The following WNT3A variants were observed in gnomAD, a reference collection of about 807,000 sequenced individuals.
WNT3A encodes the protein Wnt family member 3A, also known as protein Wnt-3a.
Under a neutral mutation model 37.0 loss-of-function variants are expected in WNT3A, and 17 were observed. The observed-to-expected ratio is 0.46, with a 90% CI of 0.31 to 0.69. WNT3A has a LOEUF of 0.69. Among genes scored for constraint, WNT3A ranks in the 30% least tolerant of loss-of-function variants. The probability of loss-of-function intolerance (pLI) is 0.05; values close to 1 mark genes in which losing one functional copy is unlikely to be tolerated. For synonymous variants in WNT3A, 187 were observed against 211.0 expected, an observed-to-expected ratio of 0.89 and a Z score of 0.99; for missense variants, 411 against 510.2, an observed-to-expected ratio of 0.81 and a Z score of 1.87.
At chr1:228,015,966 T>C (rs955550833) in intron 1 of WNT3A, among the ~76,000 whole-genome samples, 3 of 152,076 alleles carry the variant, frequency 2.0e-5, no homozygotes, top group Non-Finnish European at 4.4e-5. Flanking sequence ...CCTGAGGCCA[T>C]GAGCAGGCAG....
Position 228,059,734 on chromosome 1 carries a change from G to T in WNT3A, c.*269G>T. 7.7e-7 allele frequency: 1 copy of T among 1,302,670 alleles called. No individual in the cohort carries two copies. The highest frequency in any genetic ancestry group is 9.7e-7 in the Non-Finnish European group (1 of 1,029,298). 80.7% of individuals were successfully genotyped at this position (1,302,670 alleles called of 1,614,324 possible). On this transcript the variant is annotated 3_prime_UTR_variant, in exon 4 of 4. Transcript: ENST00000284523. ...AGGGGCTCTGCGTTGGCTTCTCCCT[G>T]GGGACGGGGCTCCCCTGGACAGAGG... is the stretch of plus-strand genomic sequence containing the variant.
chr1:228,029,364 A>G (rs2030941279), intron 2 of WNT3A, among the ~76,000 whole-genome samples: 1 of 152,136 alleles, frequency 6.6e-6, no homozygotes, highest in South Asian at 2.1e-4. Flanking sequence ...GCATAGTACC[A>G]TCCACCCCAG....
At chr1:228,052,819 G>T (rs6675092) in intron 3 of WNT3A, among the ~76,000 whole-genome samples, 1,905 of 152,316 alleles carry the variant, frequency 0.013, 54 homozygotes, top group East Asian at 0.11. Flanking sequence ...CATGATAGAT[G>T]AGGCAGTGCA....
At chr1:228,046,609 G>A (rs2031413799) in intron 2 of WNT3A, among the ~76,000 whole-genome samples, 1 of 151,206 alleles carries the variant, frequency 6.6e-6, no homozygotes, top group Non-Finnish European at 1.5e-5. Flanking sequence ...GTGCATGCAT[G>A]TGTGTGCATG....
intron 2 of WNT3A, among the ~76,000 whole-genome samples, chr1:228,025,854 C>T (rs1343045818): frequency 6.6e-6 from 1 of 152,066 alleles, no homozygotes; most frequent in African/African-American, 2.4e-5. Flanking sequence ...CACTGTACTT[C>T]CATCTCCCAG....
chr1:228,007,421 G>C lies in WNT3A; in HGVS notation c.71+222G>C, dbSNP rs186692850. The stretch of plus-strand genomic sequence containing the variant: ...TTTCCGGAGACATTGATTCCCGAGC[G>C]GGGGAGTAGGGGAGGTTGCGGAGGT... On this transcript the variant is annotated intron_variant, in intron 1 of 3. Transcript: ENST00000284523. This position sits in a 1 kb window ranked among gnomAD's most constrained non-coding sequence, Gnocchi z 6.0. Among the ~76,000 whole-genome samples the C allele has an allele frequency of 2.2e-3, 334 of 152,220 alleles. 3 individuals are homozygous for C. Among genetic ancestry groups the C allele is most frequent in the African/African-American group, 7.7e-3 (319 of 41,548 alleles).
At chr1:228,054,922 G>A (rs974680670) in intron 3 of WNT3A, among the ~76,000 whole-genome samples, 45 of 150,842 alleles carry the variant, frequency 3.0e-4, no homozygotes, top group African/African-American at 5.8e-4. Context: ...TTGGGAGGCC[G>A]AGGCGAGTTC....
Position 228,007,073 on chromosome 1 carries a change from C to A in WNT3A, c.-56C>A, listed in dbSNP as rs1174966020. The A allele has an allele frequency of 4.3e-5, 60 of 1,405,872 alleles. No individual in the cohort carries two copies. The highest frequency in any genetic ancestry group is 5.7e-5 in the Non-Finnish European group (60 of 1,057,768). The allele number at this position is 1,405,872 out of a possible 1,614,324, so 87.1% of individuals were successfully genotyped here. On this transcript the variant is annotated 5_prime_UTR_variant, in exon 1 of 4. Coordinates refer to ENST00000284523, the MANE Select transcript of WNT3A (RefSeq NM_033131.4). This position sits in a 1 kb window ranked among gnomAD's most constrained non-coding sequence, Gnocchi z 6.0. Reference sequence around the variant, plus strand: ...GCCAGCTCCCAGGGCCCGGCCCCCCCCGGCGCTCACGCTCTCGGGGCGGAC... The same window carrying A: ...GCCAGCTCCCAGGGCCCGGCCCCCCACGGCGCTCACGCTCTCGGGGCGGAC...
At chr1:228,044,827 G>A (rs1443717768) in intron 2 of WNT3A, among the ~76,000 whole-genome samples, 2 of 152,220 alleles carry the variant, frequency 1.3e-5, no homozygotes, top group African/African-American at 4.8e-5. Flanking sequence ...AGGGTCTCAC[G>A]CTTTTCTGGC....
chr1:228,036,889 T>A (rs1212398471), intron 2 of WNT3A, among the ~76,000 whole-genome samples: 1 of 152,190 alleles, frequency 6.6e-6, no homozygotes, highest in East Asian at 1.9e-4. Flanking sequence ...TGGCCTGCTC[T>A]AGGCCAGGTG....
chr1:228,023,043 A>G, intron 2 of WNT3A, 135 bp downstream of exon 2: 1 of 1,382,582 alleles, frequency 7.2e-7, no homozygotes. Context: ...CTTCCCGCTT[A>G]CCTCCAGGAG....
intron 3 of WNT3A, among the ~76,000 whole-genome samples, chr1:228,057,915 A>G (rs1433109336): frequency 6.6e-6 from 1 of 152,152 alleles, no homozygotes; most frequent in Non-Finnish European, 1.5e-5. Context: ...ATCTCCGCTC[A>G]CTGCTGCCTC....
chr1:228,060,111 TGGGACCA>T lies in WNT3A; in HGVS notation c.*649_*655del. 1 of 1,297,294 alleles carries T rather than the reference TGGGACCA, an allele frequency of 7.7e-7. No homozygotes were observed. Among genetic ancestry groups the T allele is most frequent in the Admixed American group, 2.2e-5 (1 of 46,268 alleles). The allele number at this position is 1,297,294 out of a possible 1,614,324, so 80.4% of individuals were successfully genotyped here. On this transcript the variant is annotated 3_prime_UTR_variant, in exon 4 of 4. Transcript: ENST00000284523. The stretch of plus-strand genomic sequence containing the variant: ...CTCCTTCCTGTGGGTGGGGCTTCTC[TGGGACCA>T]GGCTCCAATGGGGCGGGGCTTCTCT...
At chr1:228,023,241 G>A (rs988119480) in intron 2 of WNT3A, among the ~76,000 whole-genome samples, 2 of 152,204 alleles carry the variant, frequency 1.3e-5, no homozygotes, top group African/African-American at 4.8e-5. Flanking sequence ...AGACCTACAA[G>A]AAGGGAGAGG....
chr1:228,046,658 G>A (rs771537163), intron 2 of WNT3A, among the ~76,000 whole-genome samples: 13 of 151,714 alleles, frequency 8.6e-5, no homozygotes, highest in South Asian at 2.1e-4. Context: ...GTGTGCATGT[G>A]TGGGGGGGAT....
At chr1:228,041,630 C>T (rs940692075) in intron 2 of WNT3A, among the ~76,000 whole-genome samples, 1 of 152,154 alleles carries the variant, frequency 6.6e-6, no homozygotes, top group Admixed American at 6.6e-5. Context: ...ATCCATCTAC[C>T]CATTATTCAT....
chr1:228,055,715 G>C (rs1253211982), intron 3 of WNT3A, among the ~76,000 whole-genome samples: 5 of 152,204 alleles, frequency 3.3e-5, no homozygotes. Flanking sequence ...CCTAGTGTCT[G>C]ATATCTTGAG....
At position 228,039,925 on chromosome 1, in the gene WNT3A, C is replaced by T. The variant is rs2031237461; in HGVS notation, c.314-10731C>T. Among the ~76,000 whole-genome samples the T allele has an allele frequency of 6.6e-6, 1 of 152,186 alleles. No homozygotes were observed. Among genetic ancestry groups the T allele is most frequent in the African/African-American group, 2.4e-5 (1 of 41,444 alleles). On this transcript the variant is annotated intron_variant, in intron 2 of 3. Transcript: ENST00000284523. The surrounding 1 kb of genome is among the most constrained non-coding windows in gnomAD (Gnocchi z 4.1). ...ACTTTCCCTCCTTCAAGTTGTTTGT[C>T]CCTCAGAAAAGCCACTCAGGAGTCC...
chr1:228,011,845 G>C (rs763750130), intron 1 of WNT3A, among the ~76,000 whole-genome samples: 4 of 152,216 alleles, frequency 2.6e-5, no homozygotes, highest in Admixed American at 1.3e-4. Flanking sequence ...CCCCTCCTGA[G>C]GGTGACGGTC....
Sources: gnomAD v4.1 joint callset for allele counts (sites outside exome capture counted in the v4.1 genomes callset) on GRCh38, gnomAD v4.1.1 for gene constraint, Gnocchi (gnomAD v3.1) non-coding constraint, MANE v1.5 for transcripts, NCBI Gene and HGNC (gene_info 2026-07-23, HGNC 2026-07-21) for gene names.